The following DACT1 variants were observed in gnomAD, a reference collection of about 807,000 sequenced individuals.
DACT1 encodes dishevelled binding antagonist of beta catenin 1.
DACT1 carries 19 observed loss-of-function variants against 35.3 expected under a neutral mutation model. The observed-to-expected ratio is 0.54, with a 90% CI of 0.38 to 0.79. The LOEUF is 0.79. Among genes scored for constraint, DACT1 ranks in the 30% least tolerant of loss-of-function variants. The pLI is 0.00. For missense variants in DACT1, 1,143 were observed against 1,057.5 expected (o/e 1.08, Z -1.12); for synonymous variants, 545 against 466.7 (o/e 1.17, Z -2.16).
rs754332840 is a variant in DACT1 at position 58,638,506 on chromosome 14, A to T, written c.304A>T (p.Lys102Ter). The T allele has an allele frequency of 7.4e-7, 1 of 1,357,054 alleles. No individual in the cohort carries two copies. The highest frequency in any genetic ancestry group is 3.0e-5 in the Admixed American group (1 of 32,938). The allele number at this position is 1,357,054 out of a possible 1,614,324, so 84.1% of individuals were successfully genotyped here. A position where few individuals can be genotyped will look rare whatever the true frequency, so the allele number is the denominator to read the frequency against. The change falls in exon 1 of 4, where the codon AAG becomes TAG. Residue 102 changes from lysine (K) to a stop codon, truncating the protein, a stop_gained. Coordinates refer to ENST00000395153, the MANE Select transcript of DACT1 (RefSeq NM_001079520.2). LOFTEE classifies it high-confidence loss of function. ...EAAQRSRLEEKFLEENILLLR... is the reference protein window; with the variant it reads ...EAAQRSRLEE ...GGCGCAGCGCAGTCGCCTGGAGGAG[A>T]AGTTCTTGGAGGAGAACATCTTGCT...
chr14:58,646,567 C>T lies in DACT1; in HGVS notation c.1833C>T (p.Gly611=). The change falls in exon 4 of 4, where the codon GGC becomes GGT. Residue 611 remains glycine (G), a synonymous_variant. Coordinates refer to ENST00000395153, the MANE Select transcript of DACT1 (RefSeq NM_001079520.2). ...CTGGTGTTCCCGGCAGGCCCGCGGG[C>T]GGGGGCCACAGGGCGGGGAGCAGGG... ...PEAGVPGRPA[G]GGHRAGSRAH... 1.3e-6 allele frequency: 2 copies of T among 1,561,918 alleles called. No homozygotes were observed. The highest frequency in any genetic ancestry group is 1.7e-6 in the Non-Finnish European group (2 of 1,155,156).
chr14:58,646,570 G>C lies in DACT1; in HGVS notation c.1836G>C (p.Gly612=), dbSNP rs1034860449. Reference sequence around the variant, plus strand: ...GTGTTCCCGGCAGGCCCGCGGGCGGGGGCCACAGGGCGGGGAGCAGGGCGC... The same window carrying C: ...GTGTTCCCGGCAGGCCCGCGGGCGGCGGCCACAGGGCGGGGAGCAGGGCGC... The part of the protein sequence containing the change: ...EAGVPGRPAG[G]GHRAGSRAHG... The change falls in exon 4 of 4, where the codon GGG becomes GGC. Residue 612 remains glycine, a synonymous_variant. Transcript: ENST00000395153. 2 of 1,566,092 alleles carry C rather than the reference G, an allele frequency of 1.3e-6. No individual in the cohort carries two copies. The highest frequency in any genetic ancestry group is 1.7e-4 in the Middle Eastern group (1 of 5,908).
intron 1 of DACT1, 106 bp downstream of exon 1, chr14:58,638,653 C>T (rs1000685661): frequency 4.1e-5 from 51 of 1,234,894 alleles, no homozygotes; most frequent in East Asian, 3.2e-5. Flanking sequence ...GGGAGATGCT[C>T]GCTGTTATGG....
At position 58,645,964 on chromosome 14, in the gene DACT1, T is replaced by C; in HGVS notation, c.1230T>C (p.Leu410=). ...EGCPSGAASD[L]QSKHLPKTAK... ...GCCCCTCAGGCGCTGCCTCCGACCT[T>C]CAGAGTAAGCACCTGCCAAAAACGG... Residue 410 remains leucine, a synonymous_variant, in exon 4 of 4, where the codon CTT becomes CTC. Transcript: ENST00000395153. The C allele has an allele frequency of 1.2e-6, 2 of 1,613,784 alleles. No homozygotes were observed. The highest frequency in any genetic ancestry group is 1.7e-6 in the Non-Finnish European group (2 of 1,180,008).
At chr14:58,638,986 A>AG (rs34070215) in intron 1 of DACT1, 1 of 985,908 alleles carries the variant, frequency 1.0e-6, no homozygotes, top group Middle Eastern at 5.2e-4. Flanking sequence ...AAAGCCAAGG[A>AG]GGGGGTTTGT....
chr14:58,638,827 G>C (rs2047600792), intron 1 of DACT1: 13 of 1,145,384 alleles, frequency 1.1e-5, no homozygotes, highest in Non-Finnish European at 1.4e-5. Context: ...CTCTGCCTTC[G>C]GGATTCTTGG....
At position 58,647,070 on chromosome 14, in the gene DACT1, A is replaced by G; in HGVS notation, c.2336A>G (p.His779Arg). 3 of 1,614,202 alleles carry G rather than the reference A, an allele frequency of 1.9e-6. No individual in the cohort carries two copies. The highest frequency in any genetic ancestry group is 2.2e-5 in the South Asian group (2 of 91,082). The change falls in exon 4 of 4, where the codon CAT becomes CGT. Residue 779 changes from histidine (H) to arginine (R), a missense_variant. Coordinates refer to ENST00000395153, the MANE Select transcript of DACT1 (RefSeq NM_001079520.2). ...AKTFVKIKAS[H>R]NLKKKILRFR... ...ACCTTTGTCAAAATTAAGGCCTCACATAACCTCAAGAAGAAGATCCTCCGC... is the reference window on the plus strand; with the variant it reads ...ACCTTTGTCAAAATTAAGGCCTCACGTAACCTCAAGAAGAAGATCCTCCGC...
chr14:58,646,175 G>C lies in DACT1; in HGVS notation c.1441G>C (p.Val481Leu). The change falls in exon 4 of 4, where the codon GTC becomes CTC. Residue 481 changes from valine (V) to leucine (L), a missense_variant. Physicochemically the swap from Val to Leu is conservative, Grantham distance 32. Transcript: ENST00000395153. ...GTCACAGAAAAACAGCCTGCAGGGC[G>C]TCCCCCCGGCCACTCCTCCCCTGCT... ...KMSQKNSLQG[V>L]PPATPPLLST... 5.6e-6 allele frequency: 9 copies of C among 1,613,540 alleles called. No individual in the cohort carries two copies. Among genetic ancestry groups the C allele is most frequent in the Non-Finnish European group, 7.6e-6 (9 of 1,179,866 alleles).
rs770570404 is a variant in DACT1, at chr14:58,646,927, G to T, written c.2193G>T (p.Gly731=). ...GTGTGAGCGAGGGCGAGTTCGTGGG[G>T]GAGAGCACAACCACCAGCGACTCTG... ...ESSVSEGEFV[G]ESTTTSDSEE... is the part of the protein sequence containing the mutation. Residue 731 remains glycine (G), a synonymous_variant, in exon 4 of 4, where the codon GGG becomes GGT. Transcript: ENST00000395153. 1 of 1,614,152 alleles carries T rather than the reference G, an allele frequency of 6.2e-7. No individual in the cohort carries two copies. The highest frequency in any genetic ancestry group is 8.5e-7 in the Non-Finnish European group (1 of 1,180,026).
chr14:58,641,531 A>C, intron 2 of DACT1, 61 bp from the exon 3 acceptor site: 1 of 1,512,424 alleles, frequency 6.6e-7, no homozygotes, highest in Non-Finnish European at 9.0e-7. Flanking sequence ...TTTTCCTGTT[A>C]AGCGTGAATA....
chr14:58,646,378 G>A lies in DACT1; in HGVS notation c.1644G>A (p.Lys548=). The A allele has an allele frequency of 6.2e-7, 1 of 1,604,874 alleles. No homozygotes were observed. Among genetic ancestry groups the A allele is most frequent in the Non-Finnish European group, 8.5e-7 (1 of 1,177,814 alleles). The change falls in exon 4 of 4, where the codon AAG becomes AAA. Residue 548 remains lysine (K), a synonymous_variant. Coordinates refer to ENST00000395153, the MANE Select transcript of DACT1 (RefSeq NM_001079520.2). ...GCGTCGTGAAGAACTCCAGCCTGAA[G>A]CACCGCGGCCCAGCCCTCCAGGGGC... ...NMGVVKNSSL[K]HRGPALQGLE... is the part of the protein sequence containing the mutation.
intron 2 of DACT1, 49 bp downstream of exon 2, chr14:58,640,917 T>C (rs980021722): frequency 2.5e-6 from 4 of 1,606,826 alleles, no homozygotes. Flanking sequence ...GAGTTGTATC[T>C]CAGCCCCTTG....
rs1015013563 is a variant in DACT1, at chr14:58,640,701, G to A, written c.346-35G>A. On this transcript the variant is annotated intron_variant, in intron 1 of 3. Coordinates refer to ENST00000395153, the MANE Select transcript of DACT1 (RefSeq NM_001079520.2). ...ACTTTCTGGTTCTTTTGTCACCCCT[G>A]TATGTTCATGTTTCCTTTGTTTCTT... The A allele has an allele frequency of 1.9e-6, 3 of 1,612,980 alleles. No homozygotes were observed. The East Asian group carries it at 6.7e-5, about 36-fold the overall frequency.
intron 3 of DACT1, among the ~76,000 whole-genome samples, chr14:58,642,185 G>C (rs2047633204): frequency 6.6e-6 from 1 of 152,184 alleles, no homozygotes; most frequent in Non-Finnish European, 1.5e-5. Flanking sequence ...GAGGTCAGGA[G>C]TTCAAGACCA....
chr14:58,638,251 C>A lies in DACT1; in HGVS notation c.49C>A (p.Pro17Thr). The change falls in exon 1 of 4, where the codon CCG becomes ACG. Residue 17 changes from proline to threonine, a missense_variant. Pro to Thr is a conservative substitution (Grantham distance 38). Transcript: ENST00000395153. ...GTAKELEPPA[P>T]ARGEQRTAEP... is the part of the protein sequence containing the mutation. Reference sequence around the variant, plus strand: ...GGCGAAGGAGCTGGAGCCTCCGGCGCCGGCCCGAGGCGAGCAGCGCACGGC... The same window carrying A: ...GGCGAAGGAGCTGGAGCCTCCGGCGACGGCCCGAGGCGAGCAGCGCACGGC... 7.3e-7 allele frequency: 1 copy of A among 1,367,062 alleles called. No homozygotes were observed. Among genetic ancestry groups the A allele is most frequent in the Non-Finnish European group, 9.4e-7 (1 of 1,060,582 alleles). 84.7% of individuals were successfully genotyped at this position (1,367,062 alleles called of 1,614,324 possible).
intron 3 of DACT1, among the ~76,000 whole-genome samples, chr14:58,643,196 A>G (rs1181106769): frequency 6.6e-6 from 1 of 152,226 alleles, no homozygotes; most frequent in African/African-American, 2.4e-5. Context: ...CTCATCTAAC[A>G]GAAGAGGAAT....
At position 58,646,710 on chromosome 14, in the gene DACT1, G is replaced by A. The variant is rs773256045; in HGVS notation, c.1976G>A (p.Arg659His). Residue 659 changes from arginine to histidine, a missense_variant, in exon 4 of 4, where the codon CGC (arginine) becomes CAC (histidine). By Grantham distance (29) the Arg-to-His change is conservative. Transcript: ENST00000395153. ...SYEEALRRAR[R>H]GRRENVGLYP... Reference sequence around the variant, plus strand: ...GAAGAGGCCCTGAGGAGGGCCCGGCGCGGTCGCCGGGAGAATGTGGGGCTG... The same window carrying A: ...GAAGAGGCCCTGAGGAGGGCCCGGCACGGTCGCCGGGAGAATGTGGGGCTG... 6.2e-7 allele frequency: 1 copy of A among 1,613,298 alleles called. No individual in the cohort carries two copies. Among genetic ancestry groups the A allele is most frequent in the South Asian group, 1.1e-5 (1 of 91,076 alleles).
In DACT1 at chr14:58,638,342, G is replaced by A; in HGVS notation, c.140G>A (p.Arg47Gln). The change falls in exon 1 of 4, where the codon CGG (arginine) becomes CAG (glutamine). Residue 47 changes from arginine (R) to glutamine (Q), a missense_variant. Around this residue, in one of 3 missense-constraint regions of DACT1, gnomAD observed 85 missense variants for 81.8 expected, o/e 1.04. Coordinates refer to ENST00000395153, the MANE Select transcript of DACT1 (RefSeq NM_001079520.2). ...ADTERQRTRE[R>Q]QEATLAGLAE... The stretch of plus-strand genomic sequence containing the variant: ...ACCGAGCGGCAGCGCACCCGGGAGC[G>A]GCAGGAGGCCACGCTGGCCGGGCTG... The A allele has an allele frequency of 7.6e-7, 1 of 1,311,972 alleles. No homozygotes were observed. 81.3% of individuals were successfully genotyped at this position (1,311,972 alleles called of 1,614,324 possible). A position where few individuals can be genotyped will look rare whatever the true frequency, so the allele number is the denominator to read the frequency against.
rs944886228 is a variant in DACT1 at position 58,646,604 on chromosome 14, G to A, written c.1870G>A (p.Gly624Arg). Residue 624 changes from glycine to arginine, a missense_variant, in exon 4 of 4, where the codon GGA becomes AGA. Transcript: ENST00000395153. ...HRAGSRAHGH[G>R]REAVVAKPKH... ...GGCGGGGAGCAGGGCGCATGGCCAC[G>A]GACGGGAGGCGGTGGTGGCCAAACC... 5.0e-6 allele frequency: 8 copies of A among 1,598,560 alleles called. No homozygotes were observed. The highest frequency in any genetic ancestry group is 1.7e-5 in the Admixed American group (1 of 57,998).
Sources: gnomAD v4.1 joint callset for allele counts (sites outside exome capture counted in the v4.1 genomes callset) on GRCh38, gnomAD v4.1.1 for gene constraint, gnomAD v4.1.1 regional missense constraint, MANE v1.5 for transcripts, NCBI Gene and HGNC (gene_info 2026-07-23, HGNC 2026-07-21) for gene names.